The following HOMER2 variants were observed in gnomAD, a reference collection of about 807,000 sequenced individuals.
HOMER2 encodes homer protein homolog 2.
A neutral mutation model predicts 47.0 loss-of-function variants in HOMER2; 27 were observed. The ratio of observed to expected loss-of-function variants is 0.57; its 90% CI spans 0.42 to 0.79. The LOEUF is 0.79. Among genes scored for constraint, HOMER2 ranks in the 30% least tolerant of loss-of-function variants. The pLI is 0.00. For synonymous variants in HOMER2, 161 were observed against 163.8 expected, an observed-to-expected ratio of 0.98 and a Z score of 0.13; for missense variants, 443 against 435.0, an observed-to-expected ratio of 1.02 and a Z score of -0.16.
chr15:82,865,433 T>A lies in HOMER2; in HGVS notation c.295-1174A>T, dbSNP rs566283614. ...GGACAGTACAAATAAGTTTGTTCAG[T>A]GAATGAACGAGTTTTAGGCTTGCAC... On this transcript the variant is annotated intron_variant, in intron 3 of 8. Transcript: ENST00000450735. Among the ~76,000 whole-genome samples, 17 of 152,256 alleles carry A rather than the reference T, an allele frequency of 1.1e-4. No homozygotes were observed. The East Asian group carries it at 3.3e-3, about 29-fold the overall frequency.
At chr15:82,861,693 TG>T (rs776631717) in intron 4 of HOMER2, among the ~76,000 whole-genome samples, 35 of 152,104 alleles carry the variant, frequency 2.3e-4, no homozygotes, top group Non-Finnish European at 4.1e-4. Flanking sequence ...ACCAAGTAAT[TG>T]TGTGATTACT....
At chr15:82,912,048 T>A (rs1396371511) in intron 1 of HOMER2, among the ~76,000 whole-genome samples, 2 of 152,098 alleles carry the variant, frequency 1.3e-5, no homozygotes, top group Non-Finnish European at 2.9e-5. Context: ...AATAAATGAA[T>A]TTAAATTTCA....
At chr15:82,835,314 A>G (rs1056276579), downstream of HOMER2, 2 of 152,096 alleles carry the variant, frequency 1.3e-5, no homozygotes, top group African/African-American at 4.8e-5. Context: ...TTTAGTAGAG[A>G]TGGGGTTTCA....
intron 1 of HOMER2, among the ~76,000 whole-genome samples, chr15:82,932,174 T>C (rs2054027733): frequency 6.6e-6 from 1 of 152,168 alleles, no homozygotes; most frequent in Non-Finnish European, 1.5e-5. Context: ...CAAAGGCCTA[T>C]GCAGGAGAGC....
intron 1 of HOMER2, among the ~76,000 whole-genome samples, chr15:82,947,610 A>G (rs1351072677): frequency 1.3e-5 from 2 of 152,218 alleles, no homozygotes; most frequent in Non-Finnish European, 2.9e-5. Context: ...ATTAACCCAC[A>G]TCACAATGAA....
intron 2 of HOMER2, among the ~76,000 whole-genome samples, chr15:82,879,949 T>G (rs891370057): frequency 6.6e-6 from 1 of 152,034 alleles, no homozygotes; most frequent in African/African-American, 2.4e-5. Flanking sequence ...CTAACCAAAT[T>G]GATCAGCATG....
Position 82,854,749 on chromosome 15 carries a change from G to A in HOMER2, c.546C>T (p.Ser182=), listed in dbSNP as rs766207723. 2.5e-6 allele frequency: 4 copies of A among 1,612,070 alleles called. No individual in the cohort carries two copies. The highest frequency in any genetic ancestry group is 1.7e-5 in the Admixed American group (1 of 60,026). The change falls in exon 6 of 9, where the codon AGC becomes AGT. Residue 182 remains serine, a synonymous_variant. Coordinates refer to ENST00000450735, the MANE Select transcript of HOMER2 (RefSeq NM_004839.4). The part of the protein sequence containing the change: ...WEIELQTLRE[S]NARLTTALQE... ...GCAGTGCTGTGGTCAGCCGTGCATTGCTCTCCCGAAGGGTCTGCAGCTCGA... is the reference window on the plus strand; with the variant it reads ...GCAGTGCTGTGGTCAGCCGTGCATTACTCTCCCGAAGGGTCTGCAGCTCGA...
At chr15:82,892,976 A>C in intron 1 of HOMER2, 135 bp from the exon 2 acceptor site, 1 of 638,780 alleles carries the variant, frequency 1.6e-6, no homozygotes, top group Non-Finnish European at 2.3e-6. Context: ...AGACAATTAA[A>C]ATAAAAGCAA....
At chr15:82,917,545 G>A (rs550561613) in intron 1 of HOMER2, among the ~76,000 whole-genome samples, 46 of 152,360 alleles carry the variant, frequency 3.0e-4, no homozygotes, top group Middle Eastern at 3.4e-3. Context: ...AGGTGCAAGC[G>A]GGGAAGATCC....
intron 1 of HOMER2, among the ~76,000 whole-genome samples, chr15:82,919,800 T>A (rs188193747): frequency 9.2e-5 from 14 of 152,372 alleles, no homozygotes; most frequent in Admixed American, 9.1e-4. Context: ...AAAACATTCC[T>A]AGTATCAAGG....
chr15:82,984,477 C>A (rs2030519118), intron 1 of HOMER2, among the ~76,000 whole-genome samples: 1 of 152,178 alleles, frequency 6.6e-6, no homozygotes, highest in Non-Finnish European at 1.5e-5. Context: ...ATTCATAGTT[C>A]TATCATTCAT....
chr15:82,982,039 A>G (rs2030413998), intron 1 of HOMER2, among the ~76,000 whole-genome samples: 1 of 152,218 alleles, frequency 6.6e-6, no homozygotes, highest in African/African-American at 2.4e-5. Flanking sequence ...TAAAAAATAT[A>G]TCTGCTTAAG....
At chr15:82,972,809 G>A (rs1002111875) in intron 1 of HOMER2, among the ~76,000 whole-genome samples, 1 of 152,240 alleles carries the variant, frequency 6.6e-6, no homozygotes, top group Admixed American at 6.5e-5. Flanking sequence ...CGCAGGTGAC[G>A]TGGCCTTCTG....
chr15:82,860,983 A>AGAGAGAGAGAGAGAGAGAGAT (rs1363103915), intron 4 of HOMER2, among the ~76,000 whole-genome samples: 1 of 66,444 alleles, frequency 1.5e-5, no homozygotes, highest in Non-Finnish European at 3.1e-5. Flanking sequence ...GAGAGAGAGA[A>AGAGAGAGAGAGAGAGAGAGAT]AGCGAAAGAG....
At position 82,906,535 on chromosome 15, in the gene HOMER2, T is replaced by G. The variant is rs1011192092; in HGVS notation, c.6-13694A>C. ...GCAACCTCCGCCTCCCGGGTTCAAGTGATTCTCCTGCCTCAGCCTCCTGAG... is the reference window on the plus strand; with the variant it reads ...GCAACCTCCGCCTCCCGGGTTCAAGGGATTCTCCTGCCTCAGCCTCCTGAG... On this transcript the variant is annotated intron_variant, in intron 1 of 8. Coordinates refer to ENST00000450735, the MANE Select transcript of HOMER2 (RefSeq NM_004839.4). Among the ~76,000 whole-genome samples, 4 of 151,572 alleles carry G rather than the reference T, an allele frequency of 2.6e-5. No individual in the cohort carries two copies. The East Asian group carries it at 7.8e-4, about 30-fold the overall frequency.
chr15:82,868,538 TA>T (rs2052061121), intron 3 of HOMER2, among the ~76,000 whole-genome samples: 3 of 68,532 alleles, frequency 4.4e-5, no homozygotes, highest in Non-Finnish European at 9.1e-5. Flanking sequence ...TATATATATA[TA>T]TATTTTTTTT....
chr15:82,898,723 T>C (rs916947709), intron 1 of HOMER2, among the ~76,000 whole-genome samples: 5 of 152,238 alleles, frequency 3.3e-5, no homozygotes, highest in Non-Finnish European at 5.9e-5. Flanking sequence ...TCTGGCTCCA[T>C]GTGAAATAAT....
intron 3 of HOMER2, among the ~76,000 whole-genome samples, chr15:82,867,530 T>TA (rs768414513): frequency 6.6e-6 from 1 of 151,952 alleles, no homozygotes; most frequent in Non-Finnish European, 1.5e-5. Flanking sequence ...AATTCAGGAA[T>TA]AAAAAATGCA....
At chr15:82,928,998 G>A (rs555450387) in intron 1 of HOMER2, among the ~76,000 whole-genome samples, 5 of 129,170 alleles carry the variant, frequency 3.9e-5, no homozygotes, top group Non-Finnish European at 6.2e-5. Context: ...CAATGCAGAC[G>A]ACCATCTAAA....
Sources: gnomAD v4.1 joint callset for allele counts (sites outside exome capture counted in the v4.1 genomes callset) on GRCh38, gnomAD v4.1.1 for gene constraint, MANE v1.5 for transcripts, NCBI Gene and HGNC (gene_info 2026-07-23, HGNC 2026-07-21) for gene names.